The following LHFPL1 variants were observed in gnomAD, a reference collection of about 807,000 sequenced individuals.
The protein encoded by LHFPL1 is LHFPL tetraspan subfamily member 1.
A neutral mutation model predicts 12.1 loss-of-function variants in LHFPL1; 4 were observed. The observed-to-expected ratio is 0.33, with a 90% CI of 0.16 to 0.76. LHFPL1 has a LOEUF of 0.76. Ranked by LOEUF, LHFPL1 falls within the 30% of genes least tolerant of loss-of-function variation. The probability of loss-of-function intolerance (pLI) is 0.61; values close to 1 mark genes in which losing one functional copy is unlikely to be tolerated. For missense variants in LHFPL1, 141 were observed against 174.1 expected, an observed-to-expected ratio of 0.81 and a Z score of 1.07; for synonymous variants, 52 against 61.9, an observed-to-expected ratio of 0.84 and a Z score of 0.75.
chrX:112,648,175 G>A (rs1351546793), intron 3 of LHFPL1, among the ~76,000 whole-genome samples: 1 of 108,230 alleles, frequency 9.2e-6, no homozygotes, highest in East Asian at 2.9e-4. Flanking sequence ...GGCCTGTTGG[G>A]GGGTGGGGGG....
chrX:112,657,909 CAA>C (rs57793060), intron 3 of LHFPL1, among the ~76,000 whole-genome samples: 21 of 61,285 alleles, frequency 3.4e-4, no homozygotes, highest in South Asian at 2.1e-3. Context: ...AAAACAGAAG[CAA>C]AAAAAAAAAA....
At chrX:112,640,545 T>C (rs1394276612) in intron 3 of LHFPL1, among the ~76,000 whole-genome samples, 1 of 111,709 alleles carries the variant, frequency 9.0e-6, no homozygotes, top group African/African-American at 3.3e-5. Context: ...AGAAGGATAA[T>C]GACATCAGAT....
chrX:112,646,348 C>A (rs947583249), intron 3 of LHFPL1, among the ~76,000 whole-genome samples: 1 of 5,324 alleles, frequency 1.9e-4, no homozygotes, highest in Non-Finnish European at 3.0e-4. Flanking sequence ...TCCTGGTTTG[C>A]GGGGGGAGGG....
chrX:112,662,201 T>C (rs892035875), intron 2 of LHFPL1, among the ~76,000 whole-genome samples: 15 of 112,500 alleles, frequency 1.3e-4, no homozygotes, highest in African/African-American at 4.2e-4. Context: ...GGAGGGACAC[T>C]TGTCATGAAT....
chrX:112,637,978 G>T (rs1212551973), intron 3 of LHFPL1, among the ~76,000 whole-genome samples: 1 of 111,323 alleles, frequency 9.0e-6, no homozygotes, highest in African/African-American at 3.3e-5. Context: ...ATGAAGATGG[G>T]GTAAGAATTG....
At chrX:112,656,884 C>A (rs1275641946) in intron 3 of LHFPL1, among the ~76,000 whole-genome samples, 1 of 112,411 alleles carries the variant, frequency 8.9e-6, no homozygotes, top group Non-Finnish European at 1.9e-5. Flanking sequence ...AACCACTGGG[C>A]AACACAGTAT....
chrX:112,656,088 A>C (rs1930990271), intron 3 of LHFPL1, among the ~76,000 whole-genome samples: 1 of 111,910 alleles, frequency 8.9e-6, no homozygotes. Flanking sequence ...AATATCCCTA[A>C]TAAATATAGA....
At chrX:112,660,840 C>T (rs1931164982) in intron 2 of LHFPL1, 115 bp from the exon 3 acceptor site, 1 of 508,434 alleles carries the variant, frequency 2.0e-6, no homozygotes, top group Non-Finnish European at 3.2e-6. Flanking sequence ...TTACACTTCC[C>T]CCTTTACCCT....
intron 1 of LHFPL1, among the ~76,000 whole-genome samples, chrX:112,673,036 C>T (rs1931554418): frequency 9.0e-6 from 1 of 111,347 alleles, no homozygotes; most frequent in African/African-American, 3.3e-5. Context: ...GTTAAACTAC[C>T]CCCTCTCCAT....
At chrX:112,653,798 T>G (rs2147713011) in intron 3 of LHFPL1, among the ~76,000 whole-genome samples, 1 of 112,549 alleles carries the variant, frequency 8.9e-6, no homozygotes, top group African/African-American at 3.2e-5. Flanking sequence ...TGGATAAAAG[T>G]TAAGAATTTT....
chrX:112,674,286 T>C (rs1020318745), intron 1 of LHFPL1, among the ~76,000 whole-genome samples: 1 of 110,820 alleles, frequency 9.0e-6, no homozygotes, highest in African/African-American at 3.3e-5. Flanking sequence ...TATACAAAAA[T>C]CAACTGAGGA....
chrX:112,635,166 T>C (rs1930303438), intron 3 of LHFPL1, among the ~76,000 whole-genome samples: 1 of 112,152 alleles, frequency 8.9e-6, no homozygotes, highest in Admixed American at 9.4e-5. Context: ...TGAAGTCCTA[T>C]GGACCATCAT....
chrX:112,668,732 C>G (rs1415933939), intron 2 of LHFPL1, among the ~76,000 whole-genome samples: 1 of 112,646 alleles, frequency 8.9e-6, no homozygotes, highest in African/African-American at 3.2e-5. Flanking sequence ...TCCTACATCC[C>G]CTATCAACAA....
rs377239874 is a variant in LHFPL1, at chrX:112,660,967, A to C, written c.383-242T>G. Among the ~76,000 whole-genome samples, 5 of 112,279 alleles carry C rather than the reference A, an allele frequency of 4.5e-5. No individual in the cohort carries two copies. In the East Asian group the frequency reaches 8.4e-4, roughly 19 times the overall value. On this transcript the variant is annotated intron_variant, in intron 2 of 3. Transcript: ENST00000371968. Reference sequence around the variant, plus strand: ...TAAATTTAAAAAATGTTGAAAAATGAGACAGGCCAATATACTTTTTACAGC... The same window carrying C: ...TAAATTTAAAAAATGTTGAAAAATGCGACAGGCCAATATACTTTTTACAGC...
intron 3 of LHFPL1, among the ~76,000 whole-genome samples, chrX:112,632,913 C>G (rs1367494489): frequency 9.0e-6 from 1 of 111,258 alleles, no homozygotes; most frequent in Non-Finnish European, 1.9e-5. Flanking sequence ...GAAACATCTT[C>G]TCTCCTCTTA....
At chrX:112,654,797 C>A (rs1157404779) in intron 3 of LHFPL1, among the ~76,000 whole-genome samples, 1 of 110,803 alleles carries the variant, frequency 9.0e-6, no homozygotes, top group Non-Finnish European at 1.9e-5. Context: ...TCTGGTTATC[C>A]ATTGTTGTAT....
intron 3 of LHFPL1, among the ~76,000 whole-genome samples, chrX:112,635,946 A>G (rs185370501): frequency 1.1e-4 from 12 of 111,868 alleles, no homozygotes; most frequent in African/African-American, 3.2e-4. Flanking sequence ...AGCAGTGTGA[A>G]ACAATGGAAA....
chrX:112,641,619 A>T (rs1487324491), intron 3 of LHFPL1, among the ~76,000 whole-genome samples: 1 of 112,524 alleles, frequency 8.9e-6, no homozygotes, highest in Non-Finnish European at 1.9e-5. Flanking sequence ...GGCCAAAAAG[A>T]TGACACATAC....
intron 1 of LHFPL1, 150 bp from the exon 2 acceptor site, chrX:112,671,554 C>A (rs1315659384): frequency 3.6e-6 from 4 of 1,120,584 alleles, no homozygotes; most frequent in Non-Finnish European, 4.7e-6. Flanking sequence ...ATTATTCTCT[C>A]GAGGACCATT....
Sources: allele counts gnomAD v4.1 joint callset (sites outside exome capture counted in the v4.1 genomes callset), GRCh38; gene constraint gnomAD v4.1.1; transcripts MANE v1.5; gene names NCBI Gene and HGNC (gene_info 2026-07-23, HGNC 2026-07-21).